The following IL1RAPL1 variants were observed in gnomAD, a reference collection of about 807,000 sequenced individuals.
IL1RAPL1 encodes the protein interleukin-1 receptor accessory protein-like 1.
Under a neutral mutation model 48.4 loss-of-function variants are expected in IL1RAPL1, and 3 were observed. That is an observed-to-expected ratio of 0.06 (90% CI 0.03 to 0.16). IL1RAPL1 has a LOEUF of 0.16. Among genes scored for constraint, IL1RAPL1 ranks in the 10% least tolerant of loss-of-function variants. The probability of loss-of-function intolerance (pLI) is 1.00; values close to 1 mark genes in which losing one functional copy is unlikely to be tolerated. For missense variants in IL1RAPL1, 349 were observed against 530.6 expected (o/e 0.66, Z 3.36); for synonymous variants, 185 against 187.7 (o/e 0.99, Z 0.12).
Position 29,758,531 on chromosome X carries a change from T to TA in IL1RAPL1, c.778+90033dup, listed in dbSNP as rs1474247826. Reference sequence around the variant, plus strand: ...AACATGGTGAAACCCCCGTCTCTACTAAAAAATTACAAAAATTATGCGAGT... The same window carrying TA: ...AACATGGTGAAACCCCCGTCTCTACTAAAAAAATTACAAAAATTATGCGAGT... On this transcript the variant is annotated intron_variant, in intron 6 of 10. Coordinates refer to ENST00000378993, the MANE Select transcript of IL1RAPL1 (RefSeq NM_014271.4). Among the ~76,000 whole-genome samples, 4 of 109,965 alleles carry TA rather than the reference T, an allele frequency of 3.6e-5. No individual in the cohort carries two copies. The East Asian group carries it at 1.1e-3, about 32-fold the overall frequency.
intron 6 of IL1RAPL1, among the ~76,000 whole-genome samples, chrX:29,800,531 C>A (rs898734016): frequency 9.0e-6 from 1 of 110,654 alleles, no homozygotes; most frequent in African/African-American, 3.3e-5. Flanking sequence ...GACACACACA[C>A]AAACACACAC....
chrX:28,620,448 C>A (rs777542187), intron 1 of IL1RAPL1, among the ~76,000 whole-genome samples: 2 of 111,263 alleles, frequency 1.8e-5, no homozygotes, highest in South Asian at 7.7e-4. Flanking sequence ...AGATTTTACA[C>A]CCCTCAAGCC....
At chrX:28,669,607 G>A (rs1448582429) in intron 1 of IL1RAPL1, among the ~76,000 whole-genome samples, 1 of 104,901 alleles carries the variant, frequency 9.5e-6, no homozygotes, top group Non-Finnish European at 1.9e-5. Context: ...GACAGAGTGA[G>A]AGGCTCTATC....
rs1421948165 is a variant in IL1RAPL1 at position 29,954,530 on chromosome X, G to T, written c.1210G>T (p.Asp404Tyr). ...GAEELDGDNK[D>Y]YDAYLSYTKV... ...TTGGAATTTTTTGACAGACAATAAA[G>T]ATTATGATGCATACTTATCATACAC... The change falls in exon 10 of 11, where the codon GAT becomes TAT. Residue 404 changes from aspartate to tyrosine, a missense_variant. Around this residue, in one of 3 missense-constraint regions of IL1RAPL1, gnomAD observed 238 missense variants for 337.8 expected, o/e 0.70. Transcript: ENST00000378993. 8.3e-7 allele frequency: 1 copy of T among 1,206,704 alleles called. No individual in the cohort carries two copies. The highest frequency in any genetic ancestry group is 1.1e-6 in the Non-Finnish European group (1 of 892,306).
chrX:29,692,113 C>T (rs1469763940), intron 6 of IL1RAPL1, among the ~76,000 whole-genome samples: 1 of 111,866 alleles, frequency 8.9e-6, no homozygotes, highest in Non-Finnish European at 1.9e-5. Flanking sequence ...TAAGTTTCCC[C>T]TCTCTTTTTG....
intron 8 of IL1RAPL1, among the ~76,000 whole-genome samples, chrX:29,939,188 ACT>A (rs1386320507): frequency 9.0e-6 from 1 of 111,680 alleles, no homozygotes; most frequent in Non-Finnish European, 1.9e-5. Context: ...ATCACTGGGT[ACT>A]CTCACTAGCA....
At chrX:28,895,681 C>T (rs1352314044) in intron 2 of IL1RAPL1, among the ~76,000 whole-genome samples, 1 of 111,253 alleles carries the variant, frequency 9.0e-6, no homozygotes, top group African/African-American at 3.3e-5. Flanking sequence ...GCTGTCAATA[C>T]CTACCACAGT....
intron 6 of IL1RAPL1, among the ~76,000 whole-genome samples, chrX:29,669,168 GA>G (rs776129338): frequency 7.2e-5 from 8 of 111,385 alleles, no homozygotes; most frequent in African/African-American, 2.3e-4. Flanking sequence ...ACTAAATTAT[GA>G]AAAATTTCCC....
At chrX:28,645,274 G>C (rs1440232905) in intron 1 of IL1RAPL1, among the ~76,000 whole-genome samples, 6 of 101,563 alleles carry the variant, frequency 5.9e-5, no homozygotes, top group African/African-American at 2.2e-4. Flanking sequence ...TTGAACCCAG[G>C]AGGTGGAGGT....
intron 2 of IL1RAPL1, among the ~76,000 whole-genome samples, chrX:29,027,177 C>T (rs1342850416): frequency 8.9e-6 from 1 of 112,255 alleles, no homozygotes; most frequent in African/African-American, 3.2e-5. Flanking sequence ...CAAAAATCCT[C>T]TGTGCTCTAC....
intron 2 of IL1RAPL1, among the ~76,000 whole-genome samples, chrX:29,199,296 G>A (rs1431987511): frequency 9.1e-6 from 1 of 110,431 alleles, no homozygotes; most frequent in African/African-American, 3.3e-5. Context: ...ACACCCAAAT[G>A]ATAAGTGGTT....
intron 5 of IL1RAPL1, among the ~76,000 whole-genome samples, chrX:29,664,613 A>G (rs1020372428): frequency 9.0e-6 from 1 of 111,675 alleles, no homozygotes; most frequent in Non-Finnish European, 1.9e-5. Flanking sequence ...TACATGTATT[A>G]TAGACACCTC....
chrX:28,664,431 A>C (rs67864295), intron 1 of IL1RAPL1, among the ~76,000 whole-genome samples: 14,100 of 111,718 alleles, frequency 0.13, 699 homozygotes, highest in African/African-American at 0.15. Context: ...AGTTACTGTA[A>C]GAAATATCTG....
intron 2 of IL1RAPL1, among the ~76,000 whole-genome samples, chrX:28,828,009 T>C (rs1569181463): frequency 8.9e-6 from 1 of 111,928 alleles, no homozygotes; most frequent in East Asian, 2.8e-4. Flanking sequence ...CTCTTCTTTT[T>C]TTTGACCTGG....
chrX:29,045,919 TTCCTCC>T (rs1195692199), intron 2 of IL1RAPL1, among the ~76,000 whole-genome samples: 88 of 83,570 alleles, frequency 1.1e-3, no homozygotes, highest in Non-Finnish European at 1.8e-3. Context: ...CTCCTCCTTC[TTCCTCC>T]TCCTCCTCCT....
At chrX:29,852,017 TCA>T (rs1931379929) in intron 6 of IL1RAPL1, among the ~76,000 whole-genome samples, 1 of 112,544 alleles carries the variant, frequency 8.9e-6, no homozygotes, top group Admixed American at 9.4e-5. Flanking sequence ...TGATTCAAAG[TCA>T]CACAGAGACT....
chrX:29,579,319 G>C (rs1922883679), intron 5 of IL1RAPL1, among the ~76,000 whole-genome samples: 1 of 111,880 alleles, frequency 8.9e-6, no homozygotes, highest in Non-Finnish European at 1.9e-5. Context: ...TCACAGTGAG[G>C]CTGATAGCAT....
At chrX:28,590,873 G>A (rs1933901649) in intron 1 of IL1RAPL1, among the ~76,000 whole-genome samples, 1 of 112,139 alleles carries the variant, frequency 8.9e-6, no homozygotes, top group African/African-American at 3.2e-5. Flanking sequence ...ATATACATAT[G>A]TAATTGCTAA....
At chrX:28,880,601 T>C (rs1922478297) in intron 2 of IL1RAPL1, among the ~76,000 whole-genome samples, 1 of 112,351 alleles carries the variant, frequency 8.9e-6, no homozygotes. Flanking sequence ...GTCTCAATCA[T>C]TGTTTGGTAA....
Sources: gnomAD v4.1 joint callset for allele counts (sites outside exome capture counted in the v4.1 genomes callset) on GRCh38, gnomAD v4.1.1 for gene constraint, gnomAD v4.1.1 regional missense constraint, MANE v1.5 for transcripts, NCBI Gene and HGNC (gene_info 2026-07-23, HGNC 2026-07-21) for gene names.